SLC47A1: variants seen among roughly 807,000 people sequenced by gnomAD.
SLC47A1 encodes the protein solute carrier family 47 member 1.
A neutral mutation model predicts 65.8 loss-of-function variants in SLC47A1; 58 were observed. The ratio of observed to expected loss-of-function variants is 0.88; its 90% CI spans 0.71 to 1.10. SLC47A1 has a LOEUF of 1.10. Among genes scored for constraint, SLC47A1 ranks in the 50% least tolerant of loss-of-function variants. SLC47A1 has a pLI of 0.00. For missense variants in SLC47A1, 706 were observed against 719.2 expected, an observed-to-expected ratio of 0.98 and a Z score of 0.21; for synonymous variants, 285 against 295.0, an observed-to-expected ratio of 0.97 and a Z score of 0.35.
At chr17:19,562,511 G>A (rs1043510185) in intron 12 of SLC47A1, among the ~76,000 whole-genome samples, 11 of 151,980 alleles carry the variant, frequency 7.2e-5, no homozygotes, top group African/African-American at 2.7e-4. Flanking sequence ...GGTGCAGTGA[G>A]CTGAGATTGT....
intron 1 of SLC47A1, among the ~76,000 whole-genome samples, chr17:19,537,645 G>A (rs997667115): frequency 6.6e-6 from 1 of 152,194 alleles, no homozygotes; most frequent in Non-Finnish European, 1.5e-5. Flanking sequence ...CCTCTCAGAG[G>A]GATCCACTTT....
chr17:19,559,053 A>G (rs1182651257), intron 10 of SLC47A1, among the ~76,000 whole-genome samples: 2 of 152,230 alleles, frequency 1.3e-5, no homozygotes, highest in Non-Finnish European at 2.9e-5. Context: ...TAGTAATGGT[A>G]AATCTTTATT....
rs574956934 is a variant in SLC47A1, at chr17:19,578,829, C to G, written c.*1276C>G. On this transcript the variant is annotated 3_prime_UTR_variant, in exon 17 of 17. Transcript: ENST00000270570. ...GCTGAAGCTCTAGGAATAATTTTGC[C>G]TGCCCGGTTGCTCACCAGTTGTAGC... 6.6e-6 allele frequency: 1 copy of G among 152,316 alleles called. No homozygotes were observed. The highest frequency in any genetic ancestry group is 6.5e-5 in the Admixed American group (1 of 15,300). The allele number at this position is 152,316 out of a possible 1,614,324, so 9.4% of individuals were successfully genotyped here.
intron 10 of SLC47A1, 78 bp downstream of exon 10, chr17:19,556,140 C>A: frequency 6.7e-7 from 1 of 1,485,012 alleles, no homozygotes; most frequent in South Asian, 1.1e-5. Context: ...TGGATGAGCA[C>A]AGGCATTCGT....
chr17:19,555,993 A>T lies in SLC47A1; in HGVS notation c.854-2A>T. ...AAGGCGACAGCTGTCTTTCTTCACC[A>T]GGCATCCTCGGCATGGTGGAGCTGG... On this transcript the variant is annotated splice_acceptor_variant, in intron 9 of 16. Transcript: ENST00000270570. LOFTEE classifies it high-confidence loss of function. 2 of 1,614,172 alleles carry T rather than the reference A, an allele frequency of 1.2e-6. No homozygotes were observed. Among genetic ancestry groups the T allele is most frequent in the Non-Finnish European group, 1.7e-6 (2 of 1,180,022 alleles).
chr17:19,555,756 A>G (rs1306218551), intron 8 of SLC47A1, 40 bp from the exon 9 acceptor site: 2 of 1,613,342 alleles, frequency 1.2e-6, no homozygotes, highest in Admixed American at 3.3e-5. Context: ...TTCCAGCCCG[A>G]TGGCCAGATC....
At chr17:19,567,305 G>C in intron 14 of SLC47A1, 77 bp downstream of exon 14, 2 of 1,594,166 alleles carry the variant, frequency 1.3e-6, no homozygotes. Flanking sequence ...ACGGGTCTTT[G>C]ACTGAGGCTC....
At chr17:19,549,537 T>C (rs544875970) in intron 4 of SLC47A1, 98 bp from the exon 5 acceptor site, 2 of 1,286,364 alleles carry the variant, frequency 1.6e-6, no homozygotes, top group Non-Finnish European at 1.1e-6. Context: ...CAGCCAAGAA[T>C]GGAAAAGGCA....
chr17:19,555,521 C>T, intron 7 of SLC47A1, 72 bp from the exon 8 acceptor site: 1 of 1,482,172 alleles, frequency 6.7e-7, no homozygotes, highest in Non-Finnish European at 9.4e-7. Context: ...GGATGAGTCT[C>T]CCCTCCTCAC....
intron 16 of SLC47A1, among the ~76,000 whole-genome samples, chr17:19,575,324 C>G (rs1446441177): frequency 6.6e-6 from 1 of 151,830 alleles, no homozygotes; most frequent in East Asian, 1.9e-4. Flanking sequence ...GATGGCCAAG[C>G]TTATTCTCGT....
rs1268180638 is a variant in SLC47A1, at chr17:19,555,816, C to A, written c.760C>A (p.Gln254Lys). 5.0e-6 allele frequency: 8 copies of A among 1,613,530 alleles called. No individual in the cohort carries two copies. The highest frequency in any genetic ancestry group is 6.8e-6 in the Non-Finnish European group (8 of 1,180,038). ...CACAGGCTGGTCCCTCGAGTGCCTGCAGGACTGGGCCTCCTTCCTCCGCCT... is the reference window on the plus strand; with the variant it reads ...CACAGGCTGGTCCCTCGAGTGCCTGAAGGACTGGGCCTCCTTCCTCCGCCT... Reference protein sequence around the residue: ...TWGGWSLECLQDWASFLRLAI... With the variant: ...TWGGWSLECLKDWASFLRLAI... Residue 254 changes from glutamine to lysine, a missense_variant, in exon 9 of 17, where the codon CAG becomes AAG. Physicochemically the swap from Gln to Lys is moderately conservative, Grantham distance 53 (BLOSUM62 1). Transcript: ENST00000270570.
At chr17:19,569,581 A>G (rs7210560) in intron 14 of SLC47A1, among the ~76,000 whole-genome samples, 2,464 of 152,276 alleles carry the variant, frequency 0.016, 71 homozygotes, top group African/African-American at 0.056. Context: ...CAAGGTGTCT[A>G]GGAGAGCATC....
intron 2 of SLC47A1, among the ~76,000 whole-genome samples, chr17:19,543,053 A>C (rs1391145366): frequency 6.6e-6 from 1 of 150,468 alleles, no homozygotes; most frequent in East Asian, 2.0e-4. Flanking sequence ...TGGCCTCCGA[A>C]AGTGCTGGGA....
chr17:19,563,437 A>T (rs2084331288), intron 12 of SLC47A1, among the ~76,000 whole-genome samples: 1 of 151,870 alleles, frequency 6.6e-6, no homozygotes, highest in African/African-American at 2.4e-5. Flanking sequence ...CGGCCGAGAA[A>T]GCTATTTTAA....
intron 4 of SLC47A1, among the ~76,000 whole-genome samples, chr17:19,549,078 C>T (rs1378740391): frequency 2.6e-5 from 4 of 152,136 alleles, no homozygotes; most frequent in Non-Finnish European, 5.9e-5. Flanking sequence ...GGAGAATTAC[C>T]TGGCCATAGT....
intron 16 of SLC47A1, among the ~76,000 whole-genome samples, chr17:19,576,443 T>C (rs1464211307): frequency 6.7e-6 from 1 of 150,268 alleles, no homozygotes; most frequent in African/African-American, 2.5e-5. Context: ...CTCGATATCC[T>C]GGGCTCAAGT....
At chr17:19,551,886 G>A (rs754729177) in intron 6 of SLC47A1, among the ~76,000 whole-genome samples, 4 of 152,212 alleles carry the variant, frequency 2.6e-5, no homozygotes, top group Admixed American at 1.3e-4. Context: ...CTGTTCTGTC[G>A]GAATGGCCCC....
chr17:19,540,890 G>A (rs767970944), intron 1 of SLC47A1, among the ~76,000 whole-genome samples: 4 of 145,232 alleles, frequency 2.8e-5, no homozygotes, highest in South Asian at 2.2e-4. Context: ...CTAGGGTTAG[G>A]AACAGGCTGT....
At chr17:19,545,857 G>T (rs992813261) in intron 2 of SLC47A1, among the ~76,000 whole-genome samples, 1 of 152,144 alleles carries the variant, frequency 6.6e-6, no homozygotes, top group Non-Finnish European at 1.5e-5. Flanking sequence ...CAGTGGGGAT[G>T]TACATGGCCA....
Sources: allele counts gnomAD v4.1 joint callset (sites outside exome capture counted in the v4.1 genomes callset), GRCh38; gene constraint gnomAD v4.1.1; transcripts MANE v1.5; gene names NCBI Gene and HGNC (gene_info 2026-07-23, HGNC 2026-07-21).